The following SEC22A variants were observed in gnomAD, a reference collection of about 807,000 sequenced individuals.
SEC22A encodes SEC22 homolog A, vesicle trafficking protein.
Under a neutral mutation model 35.3 loss-of-function variants are expected in SEC22A, and 22 were observed. That is an observed-to-expected ratio of 0.62 (90% CI 0.45 to 0.89). The LOEUF is 0.89. SEC22A is among the 40% of genes least tolerant of loss of function. The pLI, the probability that SEC22A is intolerant of heterozygous loss-of-function variation, is 0.00. For synonymous variants in SEC22A, 119 were observed against 129.5 expected (o/e 0.92, Z 0.55); for missense variants, 354 against 362.5 (o/e 0.98, Z 0.19).
rs540853418 is a variant in SEC22A, at chr3:123,232,711, C to T, written c.541+7414C>T. Among the ~76,000 whole-genome samples, 10 of 152,030 alleles carry T rather than the reference C, an allele frequency of 6.6e-5. No individual in the cohort carries two copies. In the South Asian group the frequency reaches 1.9e-3, roughly 29 times the overall value. ...AAAATACTTCCGTATTCTGTGAGGCCGGTATCATACTAATACCAAAACCAG... is the reference window on the plus strand; with the variant it reads ...AAAATACTTCCGTATTCTGTGAGGCTGGTATCATACTAATACCAAAACCAG... On this transcript the variant is annotated intron_variant, in intron 4 of 6. Transcript: ENST00000492595.
intron 2 of SEC22A, among the ~76,000 whole-genome samples, chr3:123,209,767 G>A (rs1168946132): frequency 6.6e-6 from 1 of 152,186 alleles, no homozygotes; most frequent in Non-Finnish European, 1.5e-5. Flanking sequence ...GTGGGAGGGG[G>A]TAGCACTTAT....
At chr3:123,204,622 A>G (rs746929905) in intron 1 of SEC22A, 2 of 152,244 alleles carry the variant, frequency 1.3e-5, no homozygotes, top group African/African-American at 2.4e-5. Flanking sequence ...CTACTATAGT[A>G]GTTTGGCATT....
rs938549552 is a variant in SEC22A, at chr3:123,264,111, G to A, written c.723+4522G>A. ...GTAGAGACGGGGTCTTGCTATGTTT[G>A]TTGCCCAGGCTGGTCTTGGACTCCT... On this transcript the variant is annotated intron_variant, in intron 6 of 6. Transcript: ENST00000492595. Among the ~76,000 whole-genome samples the A allele has an allele frequency of 1.7e-4, 26 of 152,118 alleles. 1 individual carries two copies. Among genetic ancestry groups the A allele is most frequent in the African/African-American group, 6.3e-4 (26 of 41,494 alleles).
intron 5 of SEC22A, among the ~76,000 whole-genome samples, chr3:123,251,992 A>C (rs1482235511): frequency 6.6e-6 from 1 of 152,230 alleles, no homozygotes; most frequent in Non-Finnish European, 1.5e-5. Flanking sequence ...AAATGGACAC[A>C]ATGATAAACT....
chr3:123,242,943 T>C (rs1426796064), intron 4 of SEC22A, among the ~76,000 whole-genome samples: 1 of 152,166 alleles, frequency 6.6e-6, no homozygotes, highest in Non-Finnish European at 1.5e-5. Flanking sequence ...AATAGATTAA[T>C]CTTCTTTAAG....
chr3:123,271,624 C>A lies in SEC22A; in HGVS notation c.826C>A (p.Leu276Ile), dbSNP rs373278460. 5 of 1,614,068 alleles carry A rather than the reference C, an allele frequency of 3.1e-6. No individual in the cohort carries two copies. In the African/African-American group the frequency reaches 6.7e-5, roughly 22 times the overall value. Residue 276 changes from leucine (L) to isoleucine (I), a missense_variant, in exon 7 of 7, where the codon CTC becomes ATC. By Grantham distance (5) the Leu-to-Ile change is conservative. Coordinates refer to ENST00000492595, the MANE Select transcript of SEC22A (RefSeq NM_012430.5). ...CNMYLYELRN[L>I]WQLFFHVTVG... Reference sequence around the variant, plus strand: ...CATGTATCTCTATGAACTGCGCAACCTCTGGCAGCTTTTCTTTCATGTGAC... The same window carrying A: ...CATGTATCTCTATGAACTGCGCAACATCTGGCAGCTTTTCTTTCATGTGAC...
At chr3:123,242,823 A>G (rs1484935449) in intron 4 of SEC22A, among the ~76,000 whole-genome samples, 1 of 152,194 alleles carries the variant, frequency 6.6e-6, no homozygotes, top group Non-Finnish European at 1.5e-5. Context: ...TTTCTACCTC[A>G]TGAAGTATGC....
chr3:123,210,513 G>A (rs894176171), intron 2 of SEC22A, among the ~76,000 whole-genome samples: 3 of 152,168 alleles, frequency 2.0e-5, no homozygotes, highest in African/African-American at 4.8e-5. Flanking sequence ...AATCTGAGAT[G>A]CCCATTAGAC....
intron 6 of SEC22A, among the ~76,000 whole-genome samples, chr3:123,260,131 CAAAAAAAAAAAAAAAAAAAAA>C (rs533386545): frequency 2.2e-4 from 11 of 49,774 alleles, no homozygotes; most frequent in Middle Eastern, 0.015. Flanking sequence ...GACTACATCT[CAAAAAAAAAAAAAAAAAAAAA>C]AAAAAAAAAA....
intron 2 of SEC22A, among the ~76,000 whole-genome samples, chr3:123,211,621 G>C (rs371814500): frequency 1.1e-3 from 167 of 152,152 alleles, no homozygotes; most frequent in African/African-American, 3.6e-3. Context: ...ACCACACCCA[G>C]CTAATTTTTT....
intron 1 of SEC22A, 92 bp from the exon 2 acceptor site, chr3:123,209,107 T>A (rs1559750218): frequency 2.0e-6 from 2 of 999,012 alleles, no homozygotes; most frequent in Non-Finnish European, 3.1e-6. Context: ...TAATTACTAT[T>A]CTTATATTAC....
chr3:123,257,826 T>TAAA (rs1183916393), intron 5 of SEC22A, among the ~76,000 whole-genome samples: 2 of 150,474 alleles, frequency 1.3e-5, no homozygotes, highest in Non-Finnish European at 3.0e-5. Flanking sequence ...CCATCTCTAC[T>TAAA]AAAAATACAG....
intron 5 of SEC22A, among the ~76,000 whole-genome samples, chr3:123,249,837 T>C (rs1207856111): frequency 6.6e-6 from 1 of 152,048 alleles, no homozygotes; most frequent in African/African-American, 2.4e-5. Context: ...GATGCTCTTA[T>C]CACTCAAGAA....
At chr3:123,270,480 T>C (rs1938133324) in intron 6 of SEC22A, among the ~76,000 whole-genome samples, 1 of 152,158 alleles carries the variant, frequency 6.6e-6, no homozygotes, top group South Asian at 2.1e-4. Flanking sequence ...CTCTTAGACT[T>C]TGTGGTTCCT....
chr3:123,222,704 A>G (rs997761286), intron 2 of SEC22A, among the ~76,000 whole-genome samples: 3 of 152,226 alleles, frequency 2.0e-5, no homozygotes, highest in African/African-American at 4.8e-5. Context: ...GAGACACACA[A>G]TGTCCATCTA....
In SEC22A at chr3:123,245,929, C is replaced by G. The variant is rs1312759476; in HGVS notation, c.572C>G (p.Ser191Ter). 6 of 1,611,406 alleles carry G rather than the reference C, an allele frequency of 3.7e-6. No individual in the cohort carries two copies. Among genetic ancestry groups the G allele is most frequent in the Non-Finnish European group, 5.1e-6 (6 of 1,178,038 alleles). The change falls in exon 5 of 7, where the codon TCA (serine) becomes TGA (stop). Residue 191 changes from serine to a stop codon, truncating the protein, a stop_gained. Coordinates refer to ENST00000492595, the MANE Select transcript of SEC22A (RefSeq NM_012430.5). LOFTEE classifies it high-confidence loss of function. ...CAGCGACTGGAACCAGCAACTCTGT[C>G]AGGGATTGTAGGATTTATCCTTAGT... The part of the protein sequence containing the change: ...AHQRLEPATL[S>*]GIVGFILSLL...
intron 2 of SEC22A, among the ~76,000 whole-genome samples, chr3:123,213,000 C>G (rs1207846194): frequency 1.3e-5 from 2 of 152,152 alleles, no homozygotes; most frequent in Admixed American, 6.5e-5. Flanking sequence ...ATTCTTCCAG[C>G]AACTATAATT....
At chr3:123,229,818 C>T (rs537214535) in intron 4 of SEC22A, among the ~76,000 whole-genome samples, 19 of 151,604 alleles carry the variant, frequency 1.3e-4, no homozygotes, top group Middle Eastern at 3.4e-3. Flanking sequence ...GCCGAGATCG[C>T]GCCACTGTGC....
At position 123,269,352 on chromosome 3, in the gene SEC22A, T is replaced by G. The variant is rs149712100; in HGVS notation, c.724-2170T>G. ...GTTGCAGGCAAGAATCATTAATGGA[T>G]ACTAAAATTAATGAGCAAAAGTATG... On this transcript the variant is annotated intron_variant, in intron 6 of 6. Transcript: ENST00000492595. 8.6e-4 allele frequency among the ~76,000 whole-genome samples: 131 copies of G among 152,198 alleles called. 4 individuals are homozygous for G. In the East Asian group the frequency reaches 0.014, roughly 16 times the overall value.
Sources: gnomAD v4.1 joint callset for allele counts (sites outside exome capture counted in the v4.1 genomes callset) on GRCh38, gnomAD v4.1.1 for gene constraint, MANE v1.5 for transcripts, NCBI Gene and HGNC (gene_info 2026-07-23, HGNC 2026-07-21) for gene names.